Variants in FNDC3A observed in about 807,000 individuals in gnomAD.
The protein encoded by FNDC3A is fibronectin type III domain containing 3A, also known as fibronectin type-III domain-containing protein 3A.
A neutral mutation model predicts 148.9 loss-of-function variants in FNDC3A; 32 were observed. That is an observed-to-expected ratio of 0.21 (90% CI 0.16 to 0.29). The LOEUF is 0.29. FNDC3A is among the 10% of genes least tolerant of loss of function. The pLI is 1.00. For synonymous variants in FNDC3A, 472 were observed against 473.6 expected (o/e 1.00, Z 0.04); for missense variants, 1,191 against 1,452.8 (o/e 0.82, Z 2.93).
At chr13:49,152,548 A>G (rs1398465607) in intron 8 of FNDC3A, among the ~76,000 whole-genome samples, 5 of 151,826 alleles carry the variant, frequency 3.3e-5, no homozygotes, top group African/African-American at 1.2e-4. Context: ...TTTAGGGTGT[A>G]TGTGCACATT....
chr13:49,012,949 T>C (rs1952386648), intron 2 of FNDC3A, among the ~76,000 whole-genome samples: 1 of 152,020 alleles, frequency 6.6e-6, no homozygotes, highest in South Asian at 2.1e-4. Context: ...GTTCTTAGTC[T>C]CAAAGAGAGT....
At chr13:49,010,034 C>G (rs1411729400) in intron 2 of FNDC3A, among the ~76,000 whole-genome samples, 1 of 152,152 alleles carries the variant, frequency 6.6e-6, no homozygotes, top group African/African-American at 2.4e-5. Context: ...ATTTTTATTA[C>G]TTAAATTTCC....
At position 49,085,340 on chromosome 13, in the gene FNDC3A, C is replaced by T. The variant is rs915539707; in HGVS notation, c.175+9976C>T. On this transcript the variant is annotated intron_variant, in intron 3 of 25. Coordinates refer to ENST00000492622, the MANE Select transcript of FNDC3A (RefSeq NM_001079673.2). ...CAAAAGTTGGAGCTCCTGGCCTTGTCCTTCTCTCATGTTCTAGTGTAAATC... is the reference window on the plus strand; with the variant it reads ...CAAAAGTTGGAGCTCCTGGCCTTGTTCTTCTCTCATGTTCTAGTGTAAATC... 4.6e-5 allele frequency among the ~76,000 whole-genome samples: 7 copies of T among 152,322 alleles called. No homozygotes were observed. The East Asian group carries it at 1.3e-3, about 29-fold the overall frequency.
chr13:49,099,939 C>T (rs547239346), intron 3 of FNDC3A, among the ~76,000 whole-genome samples: 1 of 151,964 alleles, frequency 6.6e-6, no homozygotes, highest in Non-Finnish European at 1.5e-5. Context: ...TTGAAGGTAT[C>T]AGCAGCTTTA....
chr13:49,010,153 G>A (rs970244031), intron 2 of FNDC3A, among the ~76,000 whole-genome samples: 1 of 152,218 alleles, frequency 6.6e-6, no homozygotes, highest in Admixed American at 6.5e-5. Flanking sequence ...CAAACCTTTT[G>A]TTGGGGTTTT....
At chr13:49,203,136 A>G (rs1886496191) in intron 24 of FNDC3A, 21 bp from the exon 25 acceptor site, 2 of 1,523,978 alleles carry the variant, frequency 1.3e-6, no homozygotes, top group African/African-American at 1.4e-5. Flanking sequence ...AACAGATATT[A>G]TTTATATTTG....
At chr13:49,082,087 C>T (rs909367625) in intron 3 of FNDC3A, among the ~76,000 whole-genome samples, 2 of 151,298 alleles carry the variant, frequency 1.3e-5, no homozygotes, top group Non-Finnish European at 2.9e-5. Flanking sequence ...AATGATAGGT[C>T]AAAAACAGTA....
intron 3 of FNDC3A, among the ~76,000 whole-genome samples, chr13:49,081,714 GCA>G (rs1283838262): frequency 6.6e-6 from 1 of 152,084 alleles, no homozygotes; most frequent in Non-Finnish European, 1.5e-5. Context: ...TAATTTTTCT[GCA>G]AAGTGGCTTC....
In FNDC3A at chr13:49,209,469, C is replaced by T. The variant is rs372270169; in HGVS notation, c.*2074C>T. On this transcript the variant is annotated 3_prime_UTR_variant, in exon 26 of 26. Transcript: ENST00000492622. ...ATAGATACACTACCAAACATATCAC[C>T]TTAAAATTGTATAAGGCTGAATGAA... The T allele has an allele frequency of 1.2e-4, 19 of 152,406 alleles. No homozygotes were observed. The highest frequency in any genetic ancestry group is 4.6e-4 in the African/African-American group (19 of 41,368). The allele number at this position is 152,406 out of a possible 1,614,324, so 9.4% of individuals were successfully genotyped here.
At chr13:49,198,341 T>C in intron 22 of FNDC3A, 21 bp from the exon 23 acceptor site, 1 of 1,612,906 alleles carries the variant, frequency 6.2e-7, no homozygotes, top group East Asian at 2.2e-5. Flanking sequence ...AACCAAACTT[T>C]TTTTCTTATG....
intron 13 of FNDC3A, among the ~76,000 whole-genome samples, chr13:49,175,768 A>G (rs61477841): frequency 0.041 from 6,243 of 152,184 alleles, 394 homozygotes; most frequent in African/African-American, 0.13. Context: ...GGGCATCCTT[A>G]TCTTGTGCCA....
chr13:49,117,664 C>CAT (rs1881055700), intron 4 of FNDC3A, among the ~76,000 whole-genome samples: 1 of 152,030 alleles, frequency 6.6e-6, no homozygotes, highest in Non-Finnish European at 1.5e-5. Flanking sequence ...TTTCTTAATA[C>CAT]AATATAACTA....
intron 3 of FNDC3A, among the ~76,000 whole-genome samples, chr13:49,092,971 G>A (rs1309899796): frequency 6.6e-6 from 1 of 152,098 alleles, no homozygotes; most frequent in Non-Finnish European, 1.5e-5. Flanking sequence ...AATCTTAAGA[G>A]AGGAACCTGA....
At chr13:49,155,143 G>A (rs574230392) in intron 8 of FNDC3A, among the ~76,000 whole-genome samples, 32 of 150,130 alleles carry the variant, frequency 2.1e-4, no homozygotes, top group African/African-American at 6.1e-4. Context: ...GAATCCATCT[G>A]GTCCTGGACT....
intron 8 of FNDC3A, among the ~76,000 whole-genome samples, chr13:49,150,943 CAAAAA>C (rs35888648): frequency 9.3e-6 from 1 of 107,126 alleles, no homozygotes; most frequent in Admixed American, 9.8e-5. Flanking sequence ...GACTCCGTCT[CAAAAA>C]AAAAAAAAAA....
intron 4 of FNDC3A, among the ~76,000 whole-genome samples, chr13:49,118,700 T>G (rs1047202243): frequency 1.3e-5 from 2 of 152,040 alleles, no homozygotes; most frequent in Non-Finnish European, 2.9e-5. Context: ...GAGGCTTGAG[T>G]AGGTAGTTTT....
At chr13:49,020,937 A>G (rs1473117368) in intron 2 of FNDC3A, among the ~76,000 whole-genome samples, 2 of 152,212 alleles carry the variant, frequency 1.3e-5, no homozygotes, top group African/African-American at 4.8e-5. Context: ...ATAGTAAATT[A>G]ATGGATTAAA....
At chr13:48,987,588 A>G (rs1049375611) in intron 1 of FNDC3A, among the ~76,000 whole-genome samples, 2 of 152,214 alleles carry the variant, frequency 1.3e-5, no homozygotes, top group African/African-American at 4.8e-5. Context: ...CTTAAGGGAC[A>G]TGAAAGAGTG....
intron 1 of FNDC3A, among the ~76,000 whole-genome samples, chr13:48,994,982 A>G (rs558535540): frequency 6.6e-6 from 1 of 152,304 alleles, no homozygotes; most frequent in South Asian, 2.1e-4. Flanking sequence ...TTTAAGAAAG[A>G]TGTAGGTTAA....
Sources: allele counts gnomAD v4.1 joint callset (sites outside exome capture counted in the v4.1 genomes callset), GRCh38; gene constraint gnomAD v4.1.1; transcripts MANE v1.5; gene names NCBI Gene and HGNC (gene_info 2026-07-23, HGNC 2026-07-21).